XRCC4: variants seen among roughly 807,000 people sequenced by gnomAD.
XRCC4 encodes DNA repair protein XRCC4.
In XRCC4, 28 loss-of-function variants were observed where a neutral mutation model predicts 39.1. That is an observed-to-expected ratio of 0.72 (90% CI 0.53 to 0.98). The LOEUF (loss-of-function observed/expected upper bound fraction) is 0.98. XRCC4 is among the 50% of genes least tolerant of loss of function. The probability of loss-of-function intolerance (pLI) is 0.00; values close to 1 mark genes in which losing one functional copy is unlikely to be tolerated. For synonymous variants in XRCC4, 123 were observed against 126.4 expected (o/e 0.97, Z 0.18); for missense variants, 350 against 376.4 (o/e 0.93, Z 0.58).
chr5:83,175,297 TG>T (rs1322410499), intron 3 of XRCC4, among the ~76,000 whole-genome samples: 3 of 152,216 alleles, frequency 2.0e-5, no homozygotes, highest in African/African-American at 7.2e-5. Flanking sequence ...AAACTTTTCT[TG>T]TATCTCATTC....
At chr5:83,357,280 G>GA (rs1227045129), downstream of XRCC4, among the ~76,000 whole-genome samples, 5 of 152,190 alleles carry the variant, frequency 3.3e-5, no homozygotes, top group Non-Finnish European at 7.3e-5. Flanking sequence ...TTCTAGAAAT[G>GA]AAAAGAATGG....
chr5:83,240,455 C>T (rs2112844323), intron 6 of XRCC4, among the ~76,000 whole-genome samples: 1 of 152,192 alleles, frequency 6.6e-6, no homozygotes, highest in Admixed American at 6.5e-5. Context: ...GAGCTGAGAA[C>T]TATGTGGAGA....
chr5:83,320,392 A>G (rs1312976095), intron 7 of XRCC4, among the ~76,000 whole-genome samples: 1 of 142,706 alleles, frequency 7.0e-6, no homozygotes, highest in Non-Finnish European at 1.5e-5. Context: ...TAAAAAAATA[A>G]AAAAAAAAAG....
chr5:83,095,241 G>A (rs1346149280), intron 1 of XRCC4, among the ~76,000 whole-genome samples: 6 of 152,080 alleles, frequency 3.9e-5, no homozygotes, highest in East Asian at 1.9e-4. Context: ...CAGGACCACC[G>A]TCTGAGCTCT....
At chr5:83,338,148 T>C (rs1453702419) in intron 7 of XRCC4, among the ~76,000 whole-genome samples, 2 of 152,140 alleles carry the variant, frequency 1.3e-5, no homozygotes, top group Non-Finnish European at 2.9e-5. Flanking sequence ...AAGCTAGAAG[T>C]TGTACAATAA....
intron 7 of XRCC4, among the ~76,000 whole-genome samples, chr5:83,315,776 C>T (rs1755857719): frequency 6.6e-6 from 1 of 152,118 alleles, no homozygotes; most frequent in South Asian, 2.1e-4. Context: ...TATTACTGCT[C>T]ATTGATAATG....
chr5:83,322,257 A>G (rs1343818423), intron 7 of XRCC4, among the ~76,000 whole-genome samples: 1 of 152,032 alleles, frequency 6.6e-6, no homozygotes, highest in Admixed American at 6.6e-5. Flanking sequence ...AAACATTACA[A>G]TTAGCCTGTT....
At chr5:83,309,432 A>G (rs926066068) in intron 7 of XRCC4, among the ~76,000 whole-genome samples, 36 of 150,838 alleles carry the variant, frequency 2.4e-4, no homozygotes, top group Non-Finnish European at 3.5e-4. Context: ...TGTGGTTTCC[A>G]TATGCTTTTG....
rs150777698 is a variant in XRCC4, at chr5:83,133,533, C to T, written c.315+22330C>T. Reference sequence around the variant, plus strand: ...AGGCCTCCTTGAGCTGCGTTGGGCTCCACCCAGTTCGAGCTTTCTGGCCGC... The same window carrying T: ...AGGCCTCCTTGAGCTGCGTTGGGCTTCACCCAGTTCGAGCTTTCTGGCCGC... On this transcript the variant is annotated intron_variant, in intron 3 of 7. Coordinates refer to ENST00000396027, the MANE Select transcript of XRCC4 (RefSeq NM_003401.5). 3.5e-4 allele frequency among the ~76,000 whole-genome samples: 54 copies of T among 152,314 alleles called. No individual in the cohort carries two copies. The East Asian group carries it at 7.5e-3, about 21-fold the overall frequency.
chr5:83,341,165 A>C (rs1286613523), intron 7 of XRCC4, among the ~76,000 whole-genome samples: 1 of 151,858 alleles, frequency 6.6e-6, no homozygotes. Context: ...TTCTTAAAGC[A>C]CTTACAAAAA....
At chr5:83,131,616 C>T (rs1196594465) in intron 3 of XRCC4, among the ~76,000 whole-genome samples, 2 of 152,012 alleles carry the variant, frequency 1.3e-5, no homozygotes, top group Middle Eastern at 3.2e-3. Flanking sequence ...TGAATTGGTG[C>T]CTTTACCATT....
chr5:83,234,680 T>C (rs1029435525), intron 6 of XRCC4, among the ~76,000 whole-genome samples: 31 of 152,284 alleles, frequency 2.0e-4, no homozygotes, highest in African/African-American at 6.7e-4. Flanking sequence ...CAGCTTGAGA[T>C]AGAACATTTC....
At chr5:83,212,225 C>T (rs1751677455) in intron 6 of XRCC4, among the ~76,000 whole-genome samples, 1 of 151,764 alleles carries the variant, frequency 6.6e-6, no homozygotes, top group African/African-American at 2.4e-5. Context: ...ATAAATGTAT[C>T]AACAAGTAAA....
intron 3 of XRCC4, among the ~76,000 whole-genome samples, chr5:83,115,975 TGA>T (rs1445165345): frequency 6.6e-6 from 1 of 152,194 alleles, no homozygotes; most frequent in East Asian, 1.9e-4. Context: ...TGGATGCAGC[TGA>T]GAGATCACAA....
chr5:83,320,964 A>G (rs1026995016), intron 7 of XRCC4, among the ~76,000 whole-genome samples: 1 of 151,888 alleles, frequency 6.6e-6, no homozygotes, highest in African/African-American at 2.4e-5. Context: ...GTGCCCGCCA[A>G]CATGCCTGGC....
intron 3 of XRCC4, among the ~76,000 whole-genome samples, chr5:83,170,845 G>A (rs1250292458): frequency 6.6e-6 from 1 of 152,086 alleles, no homozygotes; most frequent in Non-Finnish European, 1.5e-5. Flanking sequence ...TACGGGGCAG[G>A]GCGTATATAC....
intron 3 of XRCC4, among the ~76,000 whole-genome samples, chr5:83,194,861 C>G (rs537550027): frequency 2.0e-5 from 3 of 152,264 alleles, no homozygotes; most frequent in African/African-American, 7.2e-5. Flanking sequence ...TGGATAACTA[C>G]TCTGAACCTG....
At chr5:83,336,256 T>C (rs568152442) in intron 7 of XRCC4, among the ~76,000 whole-genome samples, 1 of 152,288 alleles carries the variant, frequency 6.6e-6, no homozygotes, top group African/African-American at 2.4e-5. Context: ...GACTGTTGAA[T>C]TCAGCTAAAT....
At chr5:83,170,304 G>A (rs1230970476) in intron 3 of XRCC4, among the ~76,000 whole-genome samples, 1 of 152,060 alleles carries the variant, frequency 6.6e-6, no homozygotes, top group Non-Finnish European at 1.5e-5. Flanking sequence ...TATAACACCA[G>A]TAGTTATTTC....
Sources: gnomAD v4.1 joint callset for allele counts (sites outside exome capture counted in the v4.1 genomes callset) on GRCh38, gnomAD v4.1.1 for gene constraint, MANE v1.5 for transcripts, NCBI Gene and HGNC (gene_info 2026-07-23, HGNC 2026-07-21) for gene names.